OTOF: variants seen among roughly 807,000 people sequenced by gnomAD.
OTOF encodes otoferlin, also known as fer-1-like family member 2.
OTOF carries 218 observed loss-of-function variants against 236.8 expected under a neutral mutation model. That is an observed-to-expected ratio of 0.92 (90% confidence interval 0.82 to 1.03). OTOF has a LOEUF of 1.03. Ranked by LOEUF, OTOF falls within the 50% of genes least tolerant of loss-of-function variation. The pLI is 0.00. For synonymous variants in OTOF, 1,041 were observed against 1,072.5 expected (o/e 0.97, Z 0.57); for missense variants, 2,590 against 2,694.4 (o/e 0.96, Z 0.86).
In OTOF at chr2:26,484,455, T is replaced by A; in HGVS notation, c.1205+19A>T. 6.2e-7 allele frequency: 1 copy of A among 1,613,724 alleles called. No homozygotes were observed. Among genetic ancestry groups the A allele is most frequent in the South Asian group, 1.1e-5 (1 of 91,062 alleles). ...AAGGGCTGGCTCAGACTCCAGGGGC[T>A]GGGGTAGCTGGGCCTCACCCCTCAA... On this transcript the variant is annotated intron_variant, in intron 12 of 46. Coordinates refer to ENST00000272371, the MANE Select transcript of OTOF (RefSeq NM_194248.3).
intron 9 of OTOF, among the ~76,000 whole-genome samples, chr2:26,491,001 T>C (rs1388685597): frequency 6.6e-6 from 1 of 152,074 alleles, no homozygotes; most frequent in African/African-American, 2.4e-5. Context: ...AGATGGTAAC[T>C]GACACCTTGG....
Position 26,474,494 on chromosome 2 carries a change from C to T in OTOF, c.3288+19G>A. The T allele has an allele frequency of 1.9e-6, 3 of 1,582,106 alleles. No individual in the cohort carries two copies. Among genetic ancestry groups the T allele is most frequent in the Non-Finnish European group, 2.6e-6 (3 of 1,164,226 alleles). On this transcript the variant is annotated intron_variant, in intron 26 of 46. Coordinates refer to ENST00000272371, the MANE Select transcript of OTOF (RefSeq NM_194248.3). ...GCCTCCAGTCCCCAGGCCTCAGCCC[C>T]TCTTCCCTGCAGTCCCACCTGCAGC... is the stretch of plus-strand genomic sequence containing the variant.
intron 5 of OTOF, among the ~76,000 whole-genome samples, chr2:26,512,590 G>T (rs1270175354): frequency 6.6e-6 from 1 of 152,194 alleles, no homozygotes; most frequent in East Asian, 1.9e-4. Context: ...TGAGAGCCTG[G>T]GGAGGTGAGG....
In OTOF at chr2:26,462,264, G is replaced by T; in HGVS notation, c.5193-83C>A. On this transcript the variant is annotated intron_variant, in intron 41 of 46. Transcript: ENST00000272371. This position sits in a 1 kb window ranked among gnomAD's most constrained non-coding sequence, Gnocchi z 4.7. ...CCAGGGCTGGGATGGGGCAGGCGGA[G>T]AGAAGCCCTGGGGTCTTGGGGTCAG... 8.3e-7 allele frequency: 1 copy of T among 1,201,872 alleles called. No homozygotes were observed. The allele number at this position is 1,201,872 out of a possible 1,614,324, so 74.5% of individuals were successfully genotyped here.
chr2:26,520,171 C>A (rs564841365), intron 3 of OTOF, among the ~76,000 whole-genome samples: 3 of 152,180 alleles, frequency 2.0e-5, no homozygotes, highest in Admixed American at 1.3e-4. Flanking sequence ...TTAGAATACA[C>A]ACACCATTTC....
At chr2:26,525,973 G>GC (rs1325800355) in intron 3 of OTOF, among the ~76,000 whole-genome samples, 2 of 151,520 alleles carry the variant, frequency 1.3e-5, no homozygotes, top group Admixed American at 6.6e-5. Flanking sequence ...TCTAATCCCA[G>GC]CTACTCAGGA....
At position 26,479,125 on chromosome 2, in the gene OTOF, A is replaced by G. The variant is rs897007185; in HGVS notation, c.2214+139T>C. ...GTCTGTGCCCTGGGACCTGGGGCTG[A>G]GAATGGGAACAGAGGTCCTGCTGGG... On this transcript the variant is annotated intron_variant, in intron 18 of 46. Transcript: ENST00000272371. The G allele has an allele frequency of 2.6e-5, 29 of 1,110,086 alleles. No homozygotes were observed. The African/African-American group carries it at 4.2e-4, about 16-fold the overall frequency. 68.8% of individuals were successfully genotyped at this position (1,110,086 alleles called of 1,614,324 possible).
In OTOF at chr2:26,479,341, A is replaced by G. The variant is rs2148054814; in HGVS notation, c.2137T>C (p.Tyr713His). 1 of 1,612,810 alleles carries G rather than the reference A, an allele frequency of 6.2e-7. No individual in the cohort carries two copies. Among genetic ancestry groups the G allele is most frequent in the East Asian group, 2.2e-5 (1 of 44,872 alleles). The change falls in exon 18 of 47, where the codon TAC becomes CAC. Residue 713 changes from tyrosine (Y) to histidine (H), a missense_variant. Around this residue, in one of 2 missense-constraint regions of OTOF, gnomAD observed 1,379 missense variants for 1,341.6 expected, o/e 1.03. Coordinates refer to ENST00000272371, the MANE Select transcript of OTOF (RefSeq NM_194248.3). ...TGGTCCGGCCACCAGCTCTTGATGT[A>G]GATGCAGGGCTTTCGCTCCAGGTAG... ...LPYLERKPCI[Y>H]IKSWWPDQRR...
rs372416799 is a variant in OTOF at position 26,463,196 on chromosome 2, A to T, written c.5192+287T>A. Among the ~76,000 whole-genome samples, 123 of 152,256 alleles carry T rather than the reference A, an allele frequency of 8.1e-4. 2 individuals are homozygous for T. The South Asian group carries it at 0.025, about 31-fold the overall frequency. On this transcript the variant is annotated intron_variant, in intron 41 of 46. Coordinates refer to ENST00000272371, the MANE Select transcript of OTOF (RefSeq NM_194248.3). ...GTGTATGGGCGCGTAGACCGTGTAG[A>T]TACAATGCACCGGAGTGTGCTGTGT...
In OTOF at chr2:26,474,518, G is replaced by A; in HGVS notation, c.3283C>T (p.Leu1095=). The A allele has an allele frequency of 1.2e-6, 2 of 1,604,504 alleles. No homozygotes were observed. The highest frequency in any genetic ancestry group is 1.7e-6 in the Non-Finnish European group (2 of 1,175,698). The change falls in exon 26 of 47, where the codon CTG becomes TTG. Residue 1095 remains leucine, a synonymous_variant. Transcript: ENST00000272371. ...CCTCTTCCCTGCAGTCCCACCTGCA[G>A]CAGCTCGAAGGCCGCCAGCAGGTCT... ...AGDLLAAFEL[L]QIGPAGKADL...
chr2:26,513,437 T>C (rs1364456135), intron 5 of OTOF, among the ~76,000 whole-genome samples: 2 of 152,050 alleles, frequency 1.3e-5, no homozygotes, highest in Non-Finnish European at 2.9e-5. Flanking sequence ...CGTGGAAGAT[T>C]CCAGCCTGGG....
At chr2:26,551,284 C>T (rs1667456857) in intron 1 of OTOF, among the ~76,000 whole-genome samples, 1 of 152,252 alleles carries the variant, frequency 6.6e-6, no homozygotes, top group African/African-American at 2.4e-5. Flanking sequence ...AGCCACCATG[C>T]CCAGCCCTTT....
chr2:26,467,149 C>T lies in OTOF; in HGVS notation c.4312G>A (p.Asp1438Asn). The T allele has an allele frequency of 6.2e-7, 1 of 1,613,900 alleles. No individual in the cohort carries two copies. Among genetic ancestry groups the T allele is most frequent in the Non-Finnish European group, 8.5e-7 (1 of 1,179,990 alleles). ...TFNLLRGKTG[D>N]DEDGSTEEER... is the part of the protein sequence containing the mutation. ...TCCTCGGTGGAGCCATCCTCATCAT[C>T]CCCGGTCTTGCCCCGAAGCAAGTTG... The change falls in exon 35 of 47, where the codon GAT becomes AAT. Residue 1438 changes from aspartate to asparagine, a missense_variant. This residue lies in a region of OTOF where 1,211 missense variants were observed against 1,352.8 expected (regional missense o/e 0.90). Transcript: ENST00000272371.
At chr2:26,519,649 C>T (rs1313300239) in intron 3 of OTOF, among the ~76,000 whole-genome samples, 1 of 152,206 alleles carries the variant, frequency 6.6e-6, no homozygotes, top group African/African-American at 2.4e-5. Context: ...CGGTGCAATG[C>T]TTTGGTTAAC....
intron 24 of OTOF, 34 bp downstream of exon 24, chr2:26,475,878 CAA>C: frequency 6.3e-7 from 1 of 1,575,280 alleles, no homozygotes; most frequent in African/African-American, 1.3e-5. Context: ...CTGGTGCTCT[CAA>C]AGCCAGAGCC....
intron 2 of OTOF, 118 bp downstream of exon 2, chr2:26,537,598 C>A (rs1336326584): frequency 1.3e-6 from 1 of 778,208 alleles, no homozygotes; most frequent in African/African-American, 1.7e-5. Context: ...AGGTGAGGGG[C>A]TCAGAGCAGG....
chr2:26,510,821 A>T, intron 5 of OTOF: 1 of 1,076,010 alleles, frequency 9.3e-7, no homozygotes, highest in Non-Finnish European at 1.3e-6. Context: ...CACTGGCCTC[A>T]GCCCCGGCCC....
At chr2:26,478,898 T>C (rs1665436626) in intron 18 of OTOF, among the ~76,000 whole-genome samples, 2 of 151,846 alleles carry the variant, frequency 1.3e-5, no homozygotes, top group African/African-American at 4.8e-5. Flanking sequence ...GGCATTTCAC[T>C]ATGTTGGCCA....
At chr2:26,545,904 T>A (rs952544255) in intron 1 of OTOF, among the ~76,000 whole-genome samples, 22 of 152,212 alleles carry the variant, frequency 1.4e-4, no homozygotes, top group African/African-American at 5.3e-4. Flanking sequence ...TTAATTCCTT[T>A]AACTTTATAG....
Sources: gnomAD v4.1 joint callset for allele counts (sites outside exome capture counted in the v4.1 genomes callset) on GRCh38, gnomAD v4.1.1 for gene constraint, gnomAD v4.1.1 regional missense constraint, Gnocchi (gnomAD v3.1) non-coding constraint, MANE v1.5 for transcripts, NCBI Gene and HGNC (gene_info 2026-07-23, HGNC 2026-07-21) for gene names.